The following GHDC variants were observed in gnomAD, a reference collection of about 807,000 sequenced individuals.
GHDC encodes GH3 domain-containing protein.
A neutral mutation model predicts 51.5 loss-of-function variants in GHDC; 39 were observed. That is an observed-to-expected ratio of 0.76 (90% CI 0.59 to 0.99). The LOEUF (loss-of-function observed/expected upper bound fraction) is 0.99. Among genes scored for constraint, GHDC ranks in the 50% least tolerant of loss-of-function variants. The pLI is 0.00. For missense variants in GHDC, 610 were observed against 672.8 expected, an observed-to-expected ratio of 0.91 and a Z score of 1.03; for synonymous variants, 282 against 305.2, an observed-to-expected ratio of 0.92 and a Z score of 0.79.
rs369509799 is a variant in GHDC, at chr17:42,190,241, C to T, written c.1318G>A (p.Glu440Lys). The T allele has an allele frequency of 8.1e-6, 13 of 1,614,050 alleles. No individual in the cohort carries two copies. The highest frequency in any genetic ancestry group is 4.5e-5 in the East Asian group (2 of 44,892). ...AGCCCCCTCAGCGCCACAAACACCT[C>T]GTAGTGGGGAGCAGAGCCCGCAGAG... ...DSSAGSAPHY[E>K]VFVALRGLRN... Residue 440 changes from glutamate to lysine, a missense_variant, in exon 9 of 10, where the codon GAG becomes AAG. Around this residue, in one of 2 missense-constraint regions of GHDC, gnomAD observed 412 missense variants for 410.4 expected, o/e 1.00. Coordinates refer to ENST00000587427, the MANE Select transcript of GHDC (RefSeq NM_032484.5).
chr17:42,193,863 A>G lies in GHDC; in HGVS notation c.-97-13T>C, dbSNP rs2079989128. 2 of 468,906 alleles carry G rather than the reference A, an allele frequency of 4.3e-6. No homozygotes were observed. The highest frequency in any genetic ancestry group is 7.6e-6 in the Non-Finnish European group (2 of 264,480). 29.0% of individuals were successfully genotyped at this position (468,906 alleles called of 1,614,324 possible). ...TCTGTTTCCTGATCTGCAAAATGGG[A>G]ATAAGAATAAGAATGCCTCTTTCAG... On this transcript the variant is annotated splice_polypyrimidine_tract_variant and intron_variant, in intron 1 of 9. Coordinates refer to ENST00000587427, the MANE Select transcript of GHDC (RefSeq NM_032484.5).
In GHDC at chr17:42,190,055, C is replaced by T. The variant is rs963362809; in HGVS notation, c.1374+130G>A. The T allele has an allele frequency of 4.4e-6, 6 of 1,370,606 alleles. No individual in the cohort carries two copies. The South Asian group carries it at 6.8e-5, about 16-fold the overall frequency. 84.9% of individuals were successfully genotyped at this position (1,370,606 alleles called of 1,614,324 possible). ...TGTGTGTCTGTGGGACTTAGCCCTC[C>T]CCTCCCAGAGCCCCAGGGAGCTTCT... On this transcript the variant is annotated intron_variant, in intron 9 of 9. Transcript: ENST00000587427.
Position 42,189,734 on chromosome 17 carries a change from G to A in GHDC, c.1562C>T (p.Ala521Val), listed in dbSNP as rs761521707. 1 of 1,509,486 alleles carries A rather than the reference G, an allele frequency of 6.6e-7. No homozygotes were observed. Among genetic ancestry groups the A allele is most frequent in the South Asian group, 1.3e-5 (1 of 74,872 alleles). The allele number at this position is 1,509,486 out of a possible 1,614,324, so 93.5% of individuals were successfully genotyped here. ...CACCACCCTCTCCTGCAGACACTGG[G>A]CCAGGTGCCTGTGCCGAAGGACCCG... ...MPRVLRHRHL[A>V]QCLQERVVS Residue 521 changes from alanine (A) to valine (V), a missense_variant, in exon 10 of 10, where the codon GCC becomes GTC. Coordinates refer to ENST00000587427, the MANE Select transcript of GHDC (RefSeq NM_032484.5).
In GHDC at chr17:42,189,771, G is replaced by T; in HGVS notation, c.1525C>A (p.Pro509Thr). ...TGCCGAAGGACCCGGGGCATCGCAG[G>T]GGGGAAGGGGGAGGAGGGGCAGGCA... ...LAACPSSPFP[P>T]AMPRVLRHRH... Residue 509 changes from proline (P) to threonine (T), a missense_variant, in exon 10 of 10, where the codon CCT (proline) becomes ACT (threonine). This residue lies in a region of GHDC where 412 missense variants were observed against 410.4 expected (regional missense o/e 1.00). Transcript: ENST00000587427. 1.3e-6 allele frequency: 2 copies of T among 1,534,954 alleles called. No homozygotes were observed. Among genetic ancestry groups the T allele is most frequent in the Non-Finnish European group, 1.8e-6 (2 of 1,140,972 alleles).
chr17:42,193,771 G>C lies in GHDC; in HGVS notation c.-18C>G. On this transcript the variant is annotated 5_prime_UTR_variant, in exon 2 of 10. Coordinates refer to ENST00000587427, the MANE Select transcript of GHDC (RefSeq NM_032484.5). ...AAGCTTTGGAGTCCCACTGACCTGA[G>C]TGCAGATCCTGCCTCTGCCGCTTGT... 2 of 760,118 alleles carry C rather than the reference G, an allele frequency of 2.6e-6. No individual in the cohort carries two copies. The highest frequency in any genetic ancestry group is 4.1e-6 in the Non-Finnish European group (2 of 486,146). The allele number at this position is 760,118 out of a possible 1,614,324, so 47.1% of individuals were successfully genotyped here. A position where few individuals can be genotyped will look rare whatever the true frequency, so the allele number is the denominator to read the frequency against.
rs2079978215 is a variant in GHDC at position 42,192,585 on chromosome 17, G to C, written c.545C>G (p.Pro182Arg). Reference sequence around the variant, plus strand: ...CAGTGCGTCCAGCAGCAGGGCCCTAGGGTCCTTGGTTCCAGGGGTGCCCAC... The same window carrying C: ...CAGTGCGTCCAGCAGCAGGGCCCTACGGTCCTTGGTTCCAGGGGTGCCCAC... ...GQVGTPGTKD[P>R]RALLLDALRS... The change falls in exon 5 of 10, where the codon CCT becomes CGT. Residue 182 changes from proline to arginine, a missense_variant. This residue lies in a region of GHDC where 198 missense variants were observed against 262.3 expected (regional missense o/e 0.75). Transcript: ENST00000587427. 1 of 1,613,548 alleles carries C rather than the reference G, an allele frequency of 6.2e-7. No homozygotes were observed. The highest frequency in any genetic ancestry group is 8.5e-7 in the Non-Finnish European group (1 of 1,180,022).
At chr17:42,192,151 T>A (rs894075426) in intron 5 of GHDC, 90 bp downstream of exon 5, 2 of 1,443,004 alleles carry the variant, frequency 1.4e-6, no homozygotes, top group Non-Finnish European at 1.9e-6. Context: ...GAGGATTAAA[T>A]GAGATGATTA....
At position 42,190,278 on chromosome 17, in the gene GHDC, T is replaced by C; in HGVS notation, c.1289-8A>G. On this transcript the variant is annotated splice_region_variant and splice_polypyrimidine_tract_variant and intron_variant, in intron 8 of 9. Transcript: ENST00000587427. The stretch of plus-strand genomic sequence containing the variant: ...CAGAGCCCGCAGAGGAATCTGTGAA[T>C]AGACCCCATGTGCACACATACTTCC... 6.2e-7 allele frequency: 1 copy of C among 1,614,160 alleles called. No homozygotes were observed. Among genetic ancestry groups the C allele is most frequent in the Non-Finnish European group, 8.5e-7 (1 of 1,180,024 alleles).
chr17:42,190,608 C>CGGT lies in GHDC; in HGVS notation c.1288+13_1288+15dup. 4 of 1,605,438 alleles carry CGGT rather than the reference C, an allele frequency of 2.5e-6. No individual in the cohort carries two copies. The highest frequency in any genetic ancestry group is 3.4e-6 in the Non-Finnish European group (4 of 1,177,468). Reference sequence around the variant, plus strand: ...TAGCTCAAGGATGGTAGGCAGGAGCCGGTGGGGAGGCTCACCCAGAATGCT... The same window carrying CGGT: ...TAGCTCAAGGATGGTAGGCAGGAGCCGGTGGTGGGGAGGCTCACCCAGAATGCT... On this transcript the variant is annotated intron_variant, in intron 8 of 9. Coordinates refer to ENST00000587427, the MANE Select transcript of GHDC (RefSeq NM_032484.5).
In GHDC at chr17:42,192,298, C is replaced by T. The variant is rs541541426; in HGVS notation, c.832G>A (p.Gly278Arg). ...GCTAGTCCTTGGCACCACAAGGCCC[C>T]GAGGGCAGCCACAGCCTCGGCCTGG... ...GGQAEAVAAL[G>R]ALWCQGLAFF... The change falls in exon 5 of 10, where the codon GGG (glycine) becomes AGG (arginine). Residue 278 changes from glycine to arginine, a missense_variant. By Grantham distance (125) the Gly-to-Arg change is moderately radical. Around this residue, in one of 2 missense-constraint regions of GHDC, gnomAD observed 412 missense variants for 410.4 expected, o/e 1.00. Transcript: ENST00000587427. 7.9e-5 allele frequency: 126 copies of T among 1,601,538 alleles called. No individual in the cohort carries two copies. The highest frequency in any genetic ancestry group is 4.5e-5 in the South Asian group (4 of 89,354).
At chr17:42,193,945 G>A (rs2079989610) in intron 1 of GHDC, 95 bp from the exon 2 acceptor site, 1 of 241,732 alleles carries the variant, frequency 4.1e-6, no homozygotes, top group Non-Finnish European at 8.0e-6. Flanking sequence ...CACTTTGGGA[G>A]GCTGAGGCAG....
rs531690881 is a variant in GHDC at position 42,190,721 on chromosome 17, A to T, written c.1191T>A (p.Ile397=). ...DQTLSVRGED[I]GEDLFSEALG... is the part of the protein sequence containing the mutation. ...GGGCCTCAGAGAACAGGTCTTCACC[A>T]ATATCTTCCCCTCGCACACTCAGGG... is the stretch of plus-strand genomic sequence containing the variant. The change falls in exon 8 of 10, where the codon ATT becomes ATA. Residue 397 remains isoleucine, a synonymous_variant. Coordinates refer to ENST00000587427, the MANE Select transcript of GHDC (RefSeq NM_032484.5). 171 of 1,614,080 alleles carry T rather than the reference A, an allele frequency of 1.1e-4. 1 individual carries two copies. The South Asian group carries it at 1.8e-3, about 17-fold the overall frequency.
chr17:42,189,674 G>T lies in GHDC; in HGVS notation c.*29C>A, dbSNP rs778772228. 3 of 1,267,774 alleles carry T rather than the reference G, an allele frequency of 2.4e-6. No individual in the cohort carries two copies. In the Admixed American group the frequency reaches 9.9e-5, roughly 42 times the overall value. The allele number at this position is 1,267,774 out of a possible 1,614,324, so 78.5% of individuals were successfully genotyped here. ...AGGGAGGGGCGAGGTGGCCTCTGGGGGGAGCTGGGCGGTGGGGCAGGACTT... is the reference window on the plus strand; with the variant it reads ...AGGGAGGGGCGAGGTGGCCTCTGGGTGGAGCTGGGCGGTGGGGCAGGACTT... On this transcript the variant is annotated 3_prime_UTR_variant, in exon 10 of 10. Coordinates refer to ENST00000587427, the MANE Select transcript of GHDC (RefSeq NM_032484.5).
intron 3 of GHDC, 110 bp from the exon 4 acceptor site, chr17:42,193,137 G>C: frequency 4.5e-6 from 7 of 1,560,174 alleles, no homozygotes; most frequent in Non-Finnish European, 6.1e-6. Flanking sequence ...CTGGGGTAGA[G>C]AGGATGTAAG....
In GHDC at chr17:42,190,722, A is replaced by G. The variant is rs866330785; in HGVS notation, c.1190T>C (p.Ile397Thr). 1.1e-5 allele frequency: 18 copies of G among 1,613,992 alleles called. No homozygotes were observed. The Admixed American group carries it at 1.2e-4, about 10-fold the overall frequency. Residue 397 changes from isoleucine (I) to threonine (T), a missense_variant, in exon 8 of 10, where the codon ATT (isoleucine) becomes ACT (threonine). Around this residue, in one of 2 missense-constraint regions of GHDC, gnomAD observed 412 missense variants for 410.4 expected, o/e 1.00. Coordinates refer to ENST00000587427, the MANE Select transcript of GHDC (RefSeq NM_032484.5). ...DQTLSVRGED[I>T]GEDLFSEALG... ...GGCCTCAGAGAACAGGTCTTCACCA[A>G]TATCTTCCCCTCGCACACTCAGGGT...
chr17:42,190,051 C>G, intron 9 of GHDC, 130 bp from the exon 10 acceptor site: 1 of 1,363,274 alleles, frequency 7.3e-7, no homozygotes, highest in East Asian at 2.3e-5. Context: ...GGGACTTAGC[C>G]CTCCCCTCCC....
rs999036996 is a variant in GHDC, at chr17:42,189,411, T to C, written c.*292A>G. ...AGCTGTGGCCACCAGAGAACCTCTT[T>C]GGGCTGTGATACAGGAAACCATCGG... On this transcript the variant is annotated 3_prime_UTR_variant, in exon 10 of 10. Transcript: ENST00000587427. The C allele has an allele frequency of 2.5e-6, 1 of 392,756 alleles. No homozygotes were observed. The highest frequency in any genetic ancestry group is 4.4e-5 in the Admixed American group (1 of 22,630). 24.3% of individuals were successfully genotyped at this position (392,756 alleles called of 1,614,324 possible). A position where few individuals can be genotyped will look rare whatever the true frequency, so the allele number is the denominator to read the frequency against.
At chr17:42,191,246 G>A (rs987232419) in intron 5 of GHDC, 36 bp from the exon 6 acceptor site, 6 of 1,464,850 alleles carry the variant, frequency 4.1e-6, no homozygotes, top group East Asian at 5.3e-5. Context: ...GCGTCTGCTG[G>A]TGCCATCGCT....
rs775460625 is a variant in GHDC, at chr17:42,192,534, T to C, written c.596A>G (p.Glu199Gly). ...ALRSPGLRAL[E>G]AGTAVELLDV... ...CAGAAGTTCGACAGCCGTCCCAGCC[T>C]CCAGTGCCCTCAGCCCTGGGGACCT... Residue 199 changes from glutamate to glycine, a missense_variant, in exon 5 of 10, where the codon GAG becomes GGG. Transcript: ENST00000587427. 15 of 1,613,764 alleles carry C rather than the reference T, an allele frequency of 9.3e-6. No individual in the cohort carries two copies. Among genetic ancestry groups the C allele is most frequent in the Non-Finnish European group, 1.2e-5 (14 of 1,180,024 alleles).
Sources: allele counts gnomAD v4.1 joint callset, GRCh38; gene constraint gnomAD v4.1.1; regional missense constraint gnomAD v4.1.1; transcripts MANE v1.5; gene names NCBI Gene and HGNC (gene_info 2026-07-23, HGNC 2026-07-21).